Variants in MYCBP2 observed in about 807,000 individuals in gnomAD.
MYCBP2 encodes the protein MYC binding protein 2.
A neutral mutation model predicts 525.3 loss-of-function variants in MYCBP2; 120 were observed. The observed-to-expected ratio is 0.23, with a 90% confidence interval of 0.20 to 0.27. The LOEUF is 0.27. Among genes scored for constraint, MYCBP2 ranks in the 10% least tolerant of loss-of-function variants. The probability of loss-of-function intolerance (pLI) is 1.00; values close to 1 mark genes in which losing one functional copy is unlikely to be tolerated. For synonymous variants in MYCBP2, 1,894 were observed against 1,955.8 expected (o/e 0.97, Z 0.83); for missense variants, 4,149 against 5,657.1 (o/e 0.73, Z 8.55).
In MYCBP2 at chr13:77,263,709, T is replaced by C. The variant is rs975235084; in HGVS notation, c.1512A>G (p.Lys504=). The change falls in exon 10 of 83, where the codon AAA becomes AAG. Residue 504 remains lysine (K), a synonymous_variant. Coordinates refer to ENST00000544440, the MANE Select transcript of MYCBP2 (RefSeq NM_015057.5). ...QQELQLKLAR[K]CLHACGISLF... ...GTGAGATACCACAGGCATGTAAGCA[T>C]TTTCTAGCCAGTTTAAGTTGCAATT... 2 of 1,613,168 alleles carry C rather than the reference T, an allele frequency of 1.2e-6. No homozygotes were observed. Among genetic ancestry groups the C allele is most frequent in the Non-Finnish European group, 1.7e-6 (2 of 1,179,396 alleles).
intron 17 of MYCBP2, among the ~76,000 whole-genome samples, chr13:77,242,286 T>C (rs2068980902): frequency 6.6e-6 from 1 of 152,128 alleles, no homozygotes; most frequent in African/African-American, 2.4e-5. Context: ...GCTAATTTTT[T>C]TGTACTTTTA....
At chr13:77,274,987 CCT>C (rs1431617799) in intron 4 of MYCBP2, among the ~76,000 whole-genome samples, 2 of 151,954 alleles carry the variant, frequency 1.3e-5, no homozygotes, top group Non-Finnish European at 2.9e-5. Flanking sequence ...TTCATCTATC[CCT>C]GTTTGTCCAT....
chr13:77,276,310 C>T (rs2075576290), intron 4 of MYCBP2, among the ~76,000 whole-genome samples: 1 of 151,688 alleles, frequency 6.6e-6, no homozygotes, highest in Non-Finnish European at 1.5e-5. Context: ...TAAATATACA[C>T]ATATTTTCAT....
chr13:77,242,908 A>G lies in MYCBP2; in HGVS notation c.2629+151T>C, dbSNP rs1262758467. 4.7e-6 allele frequency: 3 copies of G among 633,276 alleles called. No homozygotes were observed. The African/African-American group carries it at 5.5e-5, about 12-fold the overall frequency. 39.2% of individuals were successfully genotyped at this position (633,276 alleles called of 1,614,324 possible). A position where few individuals can be genotyped will look rare whatever the true frequency, so the allele number is the denominator to read the frequency against. On this transcript the variant is annotated intron_variant, in intron 17 of 82. Coordinates refer to ENST00000544440, the MANE Select transcript of MYCBP2 (RefSeq NM_015057.5). ...TAGAAGAAGCATGAATACCCTGAATATTTTCCCATTATATGAGTTATCAGA... is the reference window on the plus strand; with the variant it reads ...TAGAAGAAGCATGAATACCCTGAATGTTTTCCCATTATATGAGTTATCAGA...
rs1377235178 is a variant in MYCBP2, at chr13:77,063,962, C to T, written c.12672+653G>A. On this transcript the variant is annotated intron_variant, in intron 73 of 82. Transcript: ENST00000544440. ...TCTTCTTCAGATTTCTGAGGATTAA[C>T]CTAAGCAATTTTTACCAGCATTCAC... Among the ~76,000 whole-genome samples, 3 of 152,128 alleles carry T rather than the reference C, an allele frequency of 2.0e-5. No individual in the cohort carries two copies. In the East Asian group the frequency reaches 5.8e-4, roughly 29 times the overall value.
chr13:77,296,203 T>C (rs764497415), intron 2 of MYCBP2, among the ~76,000 whole-genome samples: 2 of 152,132 alleles, frequency 1.3e-5, no homozygotes, highest in Non-Finnish European at 2.9e-5. Flanking sequence ...GAGGATTGCT[T>C]GAGCCCACGA....
intron 2 of MYCBP2, 118 bp downstream of exon 2, chr13:77,296,481 C>T: frequency 7.1e-6 from 8 of 1,129,322 alleles, no homozygotes; most frequent in Middle Eastern, 4.9e-4. Flanking sequence ...AGGGCTTTTA[C>T]AAAATTACTT....
rs533312522 is a variant in MYCBP2 at position 77,227,999 on chromosome 13, T to C, written c.2738-2445A>G. Reference sequence around the variant, plus strand: ...AGTGAAAATCTTACAAGTAAAAAAATTGAGATGAGGGTCTTAATCTTTATC... The same window carrying C: ...AGTGAAAATCTTACAAGTAAAAAAACTGAGATGAGGGTCTTAATCTTTATC... On this transcript the variant is annotated intron_variant, in intron 18 of 82. Coordinates refer to ENST00000544440, the MANE Select transcript of MYCBP2 (RefSeq NM_015057.5). Among the ~76,000 whole-genome samples, 35 of 152,186 alleles carry C rather than the reference T, an allele frequency of 2.3e-4. No homozygotes were observed. The East Asian group carries it at 5.8e-3, about 25-fold the overall frequency.
chr13:77,249,891 C>T (rs2070836014), intron 15 of MYCBP2, among the ~76,000 whole-genome samples: 1 of 152,168 alleles, frequency 6.6e-6, no homozygotes, highest in African/African-American at 2.4e-5. Context: ...ATAAAGACGA[C>T]TTTATTGCTT....
intron 26 of MYCBP2, among the ~76,000 whole-genome samples, chr13:77,201,035 C>A (rs1454418699): frequency 6.6e-6 from 1 of 151,980 alleles, no homozygotes; most frequent in Non-Finnish European, 1.5e-5. Flanking sequence ...CAAATTCACA[C>A]ATAACAATAT....
chr13:77,082,061 A>T, intron 63 of MYCBP2, 68 bp from the exon 64 acceptor site: 1 of 1,404,608 alleles, frequency 7.1e-7, no homozygotes, highest in Non-Finnish European at 9.8e-7. Flanking sequence ...GAACTCTTAG[A>T]TGAGTACTCT....
intron 14 of MYCBP2, among the ~76,000 whole-genome samples, chr13:77,257,308 A>T (rs971239148): frequency 1.3e-5 from 2 of 152,022 alleles, no homozygotes; most frequent in Non-Finnish European, 2.9e-5. Flanking sequence ...GATACAAGAG[A>T]TCTACTATTT....
At chr13:77,122,765 T>C (rs1362415557) in intron 54 of MYCBP2, among the ~76,000 whole-genome samples, 1 of 152,046 alleles carries the variant, frequency 6.6e-6, no homozygotes, top group Non-Finnish European at 1.5e-5. Context: ...GTAGAGTGTT[T>C]CCTTCCTACC....
chr13:77,296,968 T>C (rs1347552281), intron 1 of MYCBP2, among the ~76,000 whole-genome samples: 1 of 152,220 alleles, frequency 6.6e-6, no homozygotes, highest in African/African-American at 2.4e-5. Flanking sequence ...TGAAGTGTTT[T>C]ATACTTTATC....
intron 21 of MYCBP2, 34 bp from the exon 22 acceptor site, chr13:77,212,194 G>C: frequency 6.3e-7 from 1 of 1,581,926 alleles, no homozygotes; most frequent in East Asian, 2.2e-5. Flanking sequence ...TAGCAATATT[G>C]CTGTGTAAAC....
Position 77,055,768 on chromosome 13 carries a change from C to T in MYCBP2, c.13438-1G>A. The T allele has an allele frequency of 6.2e-7, 1 of 1,604,768 alleles. No homozygotes were observed. The highest frequency in any genetic ancestry group is 8.5e-7 in the Non-Finnish European group (1 of 1,174,294). On this transcript the variant is annotated splice_acceptor_variant, in intron 79 of 82. Transcript: ENST00000544440. LOFTEE classifies it high-confidence loss of function. ...TTAGTACTATGTGATTAATTTTGTTCTGCAATAAAAAATGAACACTCTTTA... is the reference window on the plus strand; with the variant it reads ...TTAGTACTATGTGATTAATTTTGTTTTGCAATAAAAAATGAACACTCTTTA...
chr13:77,182,927 G>A (rs2060346178), intron 32 of MYCBP2, among the ~76,000 whole-genome samples: 1 of 152,114 alleles, frequency 6.6e-6, no homozygotes, highest in South Asian at 2.1e-4. Context: ...TCAGATTTAG[G>A]AGTTTCCTTA....
chr13:77,108,715 T>A (rs1390627008), intron 55 of MYCBP2, among the ~76,000 whole-genome samples: 1 of 151,906 alleles, frequency 6.6e-6, no homozygotes, highest in Non-Finnish European at 1.5e-5. Context: ...ATTTTTTTTT[T>A]TTTTTTGAGA....
At position 77,326,839 on chromosome 13, in the gene MYCBP2, G is replaced by A; in HGVS notation, c.-64C>T. 2.2e-6 allele frequency: 3 copies of A among 1,352,920 alleles called. No homozygotes were observed. Among genetic ancestry groups the A allele is most frequent in the Non-Finnish European group, 2.8e-6 (3 of 1,058,924 alleles). The allele number at this position is 1,352,920 out of a possible 1,614,324, so 83.8% of individuals were successfully genotyped here. On this transcript the variant is annotated 5_prime_UTR_variant, in exon 1 of 83. Coordinates refer to ENST00000544440, the MANE Select transcript of MYCBP2 (RefSeq NM_015057.5). This position sits in a 1 kb window ranked among gnomAD's most constrained non-coding sequence, Gnocchi z 4.2. ...GGGCCGGGCGGGCAGACACGCGCGC[G>A]CACACACAGCCCTTTTCCAACGACG...
Sources: gnomAD v4.1 joint callset for allele counts (sites outside exome capture counted in the v4.1 genomes callset) on GRCh38, gnomAD v4.1.1 for gene constraint, Gnocchi (gnomAD v3.1) non-coding constraint, MANE v1.5 for transcripts, NCBI Gene and HGNC (gene_info 2026-07-23, HGNC 2026-07-21) for gene names.